Variants in SCRIB observed in about 807,000 individuals in gnomAD.
The protein encoded by SCRIB is scribble planar cell polarity protein, also known as protein scribble homolog.
A neutral mutation model predicts 170.0 loss-of-function variants in SCRIB; 72 were observed. That is an observed-to-expected ratio of 0.42 (90% CI 0.35 to 0.52). SCRIB has a LOEUF of 0.52. Ranked by LOEUF, SCRIB falls within the 20% of genes least tolerant of loss-of-function variation. The pLI is 0.02. For missense variants in SCRIB, 2,475 were observed against 2,338.5 expected (o/e 1.06, Z -1.20); for synonymous variants, 1,298 against 1,044.3 (o/e 1.24, Z -4.68).
Position 143,805,284 on chromosome 8 carries a change from T to C in SCRIB, c.2498A>G (p.Asp833Gly). The C allele has an allele frequency of 6.4e-7, 1 of 1,553,352 alleles. No homozygotes were observed. Among genetic ancestry groups the C allele is most frequent in the South Asian group, 1.2e-5 (1 of 85,626 alleles). ...TCCCCGCCGCTCTCGGGGGCTGTAA[T>C]CATCCTCGGGCCGCAGCGGCGTGAT... The part of the protein sequence containing the change: ...VTITPLRPED[D>G]YSPRERRGGG... The change falls in exon 19 of 37, where the codon GAT becomes GGT. Residue 833 changes from aspartate to glycine, a missense_variant. By Grantham distance (94) the Asp-to-Gly change is moderately conservative (BLOSUM62 -1). This residue lies in a region of SCRIB where 1,966 missense variants were observed against 1,742.9 expected (regional missense o/e 1.13). Transcript: ENST00000356994.
intron 28 of SCRIB, chr8:143,793,381 A>T: frequency 1.1e-5 from 3 of 284,294 alleles, no homozygotes; most frequent in Non-Finnish European, 2.0e-5. Context: ...AGAGGAGAGC[A>T]GGATCAGGGG....
chr8:143,813,187 C>G, intron 6 of SCRIB, 83 bp from the exon 7 acceptor site: 1 of 1,586,030 alleles, frequency 6.3e-7, no homozygotes, highest in Non-Finnish European at 8.6e-7. Context: ...CGCCCCCACA[C>G]CCAGCTCCCA....
In SCRIB at chr8:143,807,537, G is replaced by T; in HGVS notation, c.2178+15C>A. On this transcript the variant is annotated intron_variant, in intron 16 of 36. Transcript: ENST00000356994. ...AGCAGCGGCCCGGCCAGAGTGCAGA[G>T]CGAGCAGTACAGACCTCTTCCTCCT... is the stretch of plus-strand genomic sequence containing the variant. 6.2e-7 allele frequency: 1 copy of T among 1,609,898 alleles called. No individual in the cohort carries two copies. Among genetic ancestry groups the T allele is most frequent in the Non-Finnish European group, 8.5e-7 (1 of 1,176,258 alleles).
rs1815276800 is a variant in SCRIB at position 143,803,719 on chromosome 8, G to A, written c.3342C>T (p.Ser1114=). 8.8e-6 allele frequency: 14 copies of A among 1,593,424 alleles called. No homozygotes were observed. Among genetic ancestry groups the A allele is most frequent in the African/African-American group, 1.3e-5 (1 of 74,790 alleles). The change falls in exon 23 of 37, where the codon AGC becomes AGT. Residue 1114 remains serine, a synonymous_variant. Coordinates refer to ENST00000356994, the MANE Select transcript of SCRIB (RefSeq NM_182706.5). ...QKAPGERLGI[S]IRGGARGHAG... is the part of the protein sequence containing the mutation. ...CGTGGCCCCTGGCACCCCCGCGGATGCTGATGCCCAGCCTCTCCCCAGGTG... is the reference window on the plus strand; with the variant it reads ...CGTGGCCCCTGGCACCCCCGCGGATACTGATGCCCAGCCTCTCCCCAGGTG...
chr8:143,792,766 G>A lies in SCRIB; in HGVS notation c.4119C>T (p.Pro1373=). 1 of 1,587,622 alleles carries A rather than the reference G, an allele frequency of 6.3e-7. No individual in the cohort carries two copies. The highest frequency in any genetic ancestry group is 8.5e-7 in the Non-Finnish European group (1 of 1,169,952). Residue 1373 remains proline, a synonymous_variant, in exon 30 of 37, where the codon CCC becomes CCT. Coordinates refer to ENST00000356994, the MANE Select transcript of SCRIB (RefSeq NM_182706.5). ...LEVRVPQAEG[P]PKRVSLVGAD... ...CACCCACCAGGGACACGCGCTTAGG[G>A]GGGCCCTCGGCCTGGGGCACGCGCA...
Position 143,810,961 on chromosome 8 carries a change from G to T in SCRIB, c.1218C>A (p.Thr406=), listed in dbSNP as rs375603798. The T allele has an allele frequency of 6.2e-7, 1 of 1,611,642 alleles. No individual in the cohort carries two copies. The highest frequency in any genetic ancestry group is 8.5e-7 in the Non-Finnish European group (1 of 1,179,598). Residue 406 remains threonine (T), a synonymous_variant, in exon 11 of 37, where the codon ACC becomes ACA. Coordinates refer to ENST00000356994, the MANE Select transcript of SCRIB (RefSeq NM_182706.5). ...LRFQTEDDAR[T]GEKVLTCYLL... Reference sequence around the variant, plus strand: ...AGTAGCAGGTGAGCACCTTCTCGCCGGTCCGGGCATCATCCTCCGTCTGGA... The same window carrying T: ...AGTAGCAGGTGAGCACCTTCTCGCCTGTCCGGGCATCATCCTCCGTCTGGA...
Position 143,796,891 on chromosome 8 carries a change from C to T in SCRIB, c.3604-1361G>A, listed in dbSNP as rs535487906. ...TGTTCAAACACAGAAAAGGCAGACC[C>T]GGGTGCTGACTCCGACAGCCACTAG... On this transcript the variant is annotated intron_variant, in intron 24 of 36. Transcript: ENST00000356994. Among the ~76,000 whole-genome samples, 12 of 152,280 alleles carry T rather than the reference C, an allele frequency of 7.9e-5. No individual in the cohort carries two copies. The East Asian group carries it at 2.1e-3, about 27-fold the overall frequency.
chr8:143,806,698 T>C (rs949468348), intron 17 of SCRIB, among the ~76,000 whole-genome samples: 2 of 152,014 alleles, frequency 1.3e-5, no homozygotes, highest in Admixed American at 1.3e-4. Context: ...CCAGGCCTGG[T>C]GCACAGGCAG....
rs557598584 is a variant in SCRIB at position 143,801,433 on chromosome 8, C to A, written c.3603+1950G>T. Among the ~76,000 whole-genome samples, 16 of 152,308 alleles carry A rather than the reference C, an allele frequency of 1.1e-4. No homozygotes were observed. In the South Asian group the frequency reaches 3.1e-3, roughly 30 times the overall value. ...GAAAACATGACAATGTTTTTGTAATCTTGCAGTAGGGAAGATCTTCCCAAG... is the reference window on the plus strand; with the variant it reads ...GAAAACATGACAATGTTTTTGTAATATTGCAGTAGGGAAGATCTTCCCAAG... On this transcript the variant is annotated intron_variant, in intron 24 of 36. Coordinates refer to ENST00000356994, the MANE Select transcript of SCRIB (RefSeq NM_182706.5).
chr8:143,792,936 C>T (rs977993521), intron 29 of SCRIB, 40 bp downstream of exon 29: 45 of 1,500,890 alleles, frequency 3.0e-5, no homozygotes, highest in Non-Finnish European at 3.9e-5. Context: ...GGCACCCACC[C>T]CAACCACGCG....
intron 5 of SCRIB, 43 bp from the exon 6 acceptor site, chr8:143,813,417 T>TC: frequency 6.2e-7 from 1 of 1,611,356 alleles, no homozygotes; most frequent in Non-Finnish European, 8.5e-7. Context: ...GCAGCCCTGG[T>TC]CCCTGGGCTG....
At chr8:143,804,439 AG>A (rs1192012771) in intron 21 of SCRIB, 128 bp downstream of exon 21, 9 of 970,092 alleles carry the variant, frequency 9.3e-6, no homozygotes, top group Middle Eastern at 3.3e-4. Flanking sequence ...AAGGAGCTGC[AG>A]GGGAAAGGGC....
At chr8:143,799,040 C>T (rs532560390) in intron 24 of SCRIB, among the ~76,000 whole-genome samples, 3 of 152,294 alleles carry the variant, frequency 2.0e-5, no homozygotes, top group Admixed American at 6.5e-5. Context: ...CATAAGTTCA[C>T]GAAAACCCTA....
Position 143,804,107 on chromosome 8 carries a change from C to G in SCRIB, c.3059G>C (p.Gly1020Ala), listed in dbSNP as rs1815300645. ...AGGPLGLSIV[G>A]GSDHSSHPFG... is the part of the protein sequence containing the mutation. Reference sequence around the variant, plus strand: ...CGGGTGGCTGGAATGGTCGGAGCCTCCGACAATACTAAGCCCCAGAGGGCC... The same window carrying G: ...CGGGTGGCTGGAATGGTCGGAGCCTGCGACAATACTAAGCCCCAGAGGGCC... The change falls in exon 22 of 37, where the codon GGA becomes GCA. Residue 1020 changes from glycine to alanine, a missense_variant. Physicochemically the swap from Gly to Ala is moderately conservative, Grantham distance 60. Around this residue, in one of 3 missense-constraint regions of SCRIB, gnomAD observed 1,966 missense variants for 1,742.9 expected, o/e 1.13. Coordinates refer to ENST00000356994, the MANE Select transcript of SCRIB (RefSeq NM_182706.5). The G allele has an allele frequency of 6.2e-7, 1 of 1,612,876 alleles. No individual in the cohort carries two copies. Among genetic ancestry groups the G allele is most frequent in the African/African-American group, 1.3e-5 (1 of 74,946 alleles).
intron 24 of SCRIB, among the ~76,000 whole-genome samples, chr8:143,801,369 T>C (rs557183331): frequency 8.5e-5 from 13 of 152,208 alleles, no homozygotes; most frequent in Non-Finnish European, 1.8e-4. Flanking sequence ...AGGTGGACCA[T>C]GGAGCTATGT....
At chr8:143,799,534 C>T (rs58252527) in intron 24 of SCRIB, among the ~76,000 whole-genome samples, 216 of 152,238 alleles carry the variant, frequency 1.4e-3, no homozygotes, top group Middle Eastern at 0.01. Flanking sequence ...CGCGGGGTAG[C>T]GGGCGAGTCT....
intron 15 of SCRIB, 64 bp downstream of exon 15, chr8:143,808,545 C>T (rs1281318310): frequency 5.4e-6 from 8 of 1,484,926 alleles, no homozygotes; most frequent in African/African-American, 2.8e-5. Flanking sequence ...GCTCCTGCCG[C>T]AGCCCTGGGT....
At chr8:143,799,608 C>T (rs1017068287) in intron 24 of SCRIB, among the ~76,000 whole-genome samples, 3 of 152,172 alleles carry the variant, frequency 2.0e-5, no homozygotes, top group South Asian at 2.1e-4. Context: ...CGAGGCAGGT[C>T]GTTACTGAAT....
In SCRIB at chr8:143,792,528, C is replaced by T; in HGVS notation, c.4285G>A (p.Glu1429Lys). ...CTGGCCCAGGGTGGCTGCTCATCCT[C>T]CTGTTCCTCCTCGCCCAGCGTCTCC... ...DGETLGEEEQ[E>K]DEQPPWASPS... Residue 1429 changes from glutamate (E) to lysine (K), a missense_variant, in exon 31 of 37, where the codon GAG (glutamate) becomes AAG (lysine). Physicochemically the swap from Glu to Lys is moderately conservative, Grantham distance 56. This residue lies in a region of SCRIB where 1,966 missense variants were observed against 1,742.9 expected (regional missense o/e 1.13). Coordinates refer to ENST00000356994, the MANE Select transcript of SCRIB (RefSeq NM_182706.5). 6.4e-7 allele frequency: 1 copy of T among 1,556,992 alleles called. No homozygotes were observed. Among genetic ancestry groups the T allele is most frequent in the Non-Finnish European group, 8.6e-7 (1 of 1,158,168 alleles).
Sources: allele counts gnomAD v4.1 joint callset (sites outside exome capture counted in the v4.1 genomes callset), GRCh38; gene constraint gnomAD v4.1.1; regional missense constraint gnomAD v4.1.1; transcripts MANE v1.5; gene names NCBI Gene and HGNC (gene_info 2026-07-23, HGNC 2026-07-21).